Variants in SLC44A5 observed in about 807,000 individuals in gnomAD.
The protein encoded by SLC44A5 is choline transporter-like protein 5.
Under a neutral mutation model 101.8 loss-of-function variants are expected in SLC44A5, and 57 were observed. The observed-to-expected ratio is 0.56, with a 90% confidence interval of 0.45 to 0.70. The LOEUF (loss-of-function observed/expected upper bound fraction) is 0.70. SLC44A5 is among the 30% of genes least tolerant of loss of function. The pLI is 0.00. For missense variants in SLC44A5, 737 were observed against 853.1 expected, an observed-to-expected ratio of 0.86 and a Z score of 1.70; for synonymous variants, 281 against 290.9, an observed-to-expected ratio of 0.97 and a Z score of 0.35.
intron 4 of SLC44A5, among the ~76,000 whole-genome samples, chr1:75,318,368 C>T (rs1655859901): frequency 8.5e-6 from 1 of 117,088 alleles, no homozygotes; most frequent in African/African-American, 3.4e-5. Context: ...AATCCCATCT[C>T]TTGAAAGAAA....
chr1:75,614,773 A>G (rs1158260654), upstream of SLC44A5, among the ~76,000 whole-genome samples: 1 of 152,028 alleles, frequency 6.6e-6, no homozygotes, highest in Admixed American at 6.6e-5. Flanking sequence ...CCAACTTCGA[A>G]CGACGCCCCT....
chr1:75,321,287 A>G (rs1056452179), intron 4 of SLC44A5, among the ~76,000 whole-genome samples: 4 of 152,154 alleles, frequency 2.6e-5, no homozygotes, highest in Non-Finnish European at 4.4e-5. Flanking sequence ...TCAGGCTGCT[A>G]TTAACAAACA....
intron 1 of SLC44A5, among the ~76,000 whole-genome samples, chr1:75,610,173 ACAT>A (rs1675573037): frequency 6.7e-6 from 1 of 150,328 alleles, no homozygotes; most frequent in Non-Finnish European, 1.5e-5. Context: ...ACACACACAC[ACAT>A]AGTGAAGTCT....
intron 2 of SLC44A5, among the ~76,000 whole-genome samples, chr1:75,427,091 C>G (rs1344725827): frequency 3.9e-5 from 6 of 152,176 alleles, no homozygotes; most frequent in Non-Finnish European, 8.8e-5. Context: ...TTAAGACAAC[C>G]AGGGTCAGAT....
At chr1:75,217,983 T>G (rs777600012) in intron 17 of SLC44A5, 23 bp from the exon 18 acceptor site, 3 of 1,464,354 alleles carry the variant, frequency 2.0e-6, no homozygotes, top group Non-Finnish European at 2.9e-6. Context: ...AAAATGAGAA[T>G]AAGTTAAAAC....
intron 2 of SLC44A5, among the ~76,000 whole-genome samples, chr1:75,532,643 A>G (rs1670784205): frequency 6.6e-6 from 1 of 152,210 alleles, no homozygotes; most frequent in Non-Finnish European, 1.5e-5. Context: ...ATTTTCCACT[A>G]GAATGTAAGA....
intron 3 of SLC44A5, among the ~76,000 whole-genome samples, chr1:75,376,145 G>A (rs889687432): frequency 1.4e-4 from 22 of 152,198 alleles, no homozygotes; most frequent in African/African-American, 2.9e-4. Flanking sequence ...AAAAAACGGC[G>A]CACGACGAGA....
chr1:75,281,068 T>G (rs770854224), intron 5 of SLC44A5, among the ~76,000 whole-genome samples: 50 of 151,888 alleles, frequency 3.3e-4, no homozygotes, highest in Non-Finnish European at 6.2e-4. Flanking sequence ...GACAGGAAAA[T>G]GTGGGACAGT....
chr1:75,586,369 A>G (rs200154817), intron 1 of SLC44A5, among the ~76,000 whole-genome samples: 7 of 138,910 alleles, frequency 5.0e-5, no homozygotes, highest in South Asian at 2.3e-4. Context: ...GTATGTATAT[A>G]TGTGTGTGTG....
At chr1:75,614,103 C>A (rs897344769), upstream of SLC44A5, among the ~76,000 whole-genome samples, 1 of 152,218 alleles carries the variant, frequency 6.6e-6, no homozygotes, top group African/African-American at 2.4e-5. Context: ...GAAAACCAAT[C>A]CTTCTGTTTC....
intron 1 of SLC44A5, among the ~76,000 whole-genome samples, chr1:75,569,440 C>T (rs536684781): frequency 6.6e-6 from 1 of 151,856 alleles, no homozygotes; most frequent in Non-Finnish European, 1.5e-5. Context: ...CAAGATTTCA[C>T]CTCGTTGCCC....
intron 2 of SLC44A5, among the ~76,000 whole-genome samples, chr1:75,518,777 C>T (rs2587038): frequency 1 from 152,303 of 152,344 alleles, 76,131 homozygotes; most frequent in Middle Eastern, 1. Context: ...TGATTCCATA[C>T]ATGTGAGATG....
intron 4 of SLC44A5, among the ~76,000 whole-genome samples, chr1:75,320,480 T>C (rs949166577): frequency 2.0e-5 from 3 of 152,164 alleles, no homozygotes; most frequent in Non-Finnish European, 4.4e-5. Flanking sequence ...GCCTATGTAT[T>C]GTACTCTAAA....
At chr1:75,500,071 C>T (rs1668875345) in intron 2 of SLC44A5, among the ~76,000 whole-genome samples, 1 of 152,178 alleles carries the variant, frequency 6.6e-6, no homozygotes, top group Admixed American at 6.5e-5. Flanking sequence ...TCCAAATGGC[C>T]ATGTGTAGCA....
chr1:75,569,267 G>A (rs931107819), intron 1 of SLC44A5, among the ~76,000 whole-genome samples: 11 of 140,822 alleles, frequency 7.8e-5, no homozygotes, highest in Non-Finnish European at 1.4e-4. Context: ...TTGAGACAGG[G>A]TCTCTGTTTG....
At chr1:75,722,372 G>GA in the SLC44A5 span, among the ~76,000 whole-genome samples, 16 of 152,138 alleles carry the variant, frequency 1.1e-4, no homozygotes, top group African/African-American at 3.6e-4. Flanking sequence ...ATTGGAGGCC[G>GA]AAACAATGAG....
chr1:75,624,668 C>T, the SLC44A5 span, among the ~76,000 whole-genome samples: 7 of 152,118 alleles, frequency 4.6e-5, no homozygotes, highest in Non-Finnish European at 1.0e-4. Context: ...AGTTGAGAAT[C>T]TGGACCTTGA....
At chr1:75,460,565 T>C (rs1666442604) in intron 2 of SLC44A5, among the ~76,000 whole-genome samples, 2 of 151,656 alleles carry the variant, frequency 1.3e-5, no homozygotes, top group South Asian at 4.2e-4. Flanking sequence ...CTAATTCACA[T>C]GTAATGTTGG....
intron 2 of SLC44A5, among the ~76,000 whole-genome samples, chr1:75,526,708 A>G (rs944430804): frequency 5.3e-5 from 8 of 152,224 alleles, no homozygotes; most frequent in Non-Finnish European, 1.2e-4. Context: ...TGCCTTTAAT[A>G]TGCAATTAAG....
Sources: gnomAD v4.1 joint callset for allele counts (sites outside exome capture counted in the v4.1 genomes callset) on GRCh38, gnomAD v4.1.1 for gene constraint, MANE v1.5 for transcripts, NCBI Gene and HGNC (gene_info 2026-07-23, HGNC 2026-07-21) for gene names.